The following DRC4 variants were observed in gnomAD, a reference collection of about 807,000 sequenced individuals.
DRC4 encodes the protein GAS-11.
chr16:90,038,741 T>A, the DRC4 span, among the ~76,000 whole-genome samples: 1 of 152,146 alleles, frequency 6.6e-6, no homozygotes, highest in South Asian at 2.1e-4. Flanking sequence ...GGAAAACATC[T>A]CATTTCGTGG....
At chr16:90,030,816 C>G in the DRC4 span, among the ~76,000 whole-genome samples, 1 of 152,104 alleles carries the variant, frequency 6.6e-6, no homozygotes, top group Non-Finnish European at 1.5e-5. Context: ...TGGGGTCTTG[C>G]TATGTTGCCC....
the DRC4 span, among the ~76,000 whole-genome samples, chr16:90,041,544 G>C: frequency 1.1e-4 from 17 of 152,170 alleles, no homozygotes; most frequent in African/African-American, 3.9e-4. Context: ...GGTGGCTCAC[G>C]CCTGTAATCC....
At chr16:90,023,297 C>T in the DRC4 span, among the ~76,000 whole-genome samples, 1 of 152,174 alleles carries the variant, frequency 6.6e-6, no homozygotes, top group Non-Finnish European at 1.5e-5. Context: ...CCACTGTTCC[C>T]TTGGAAAGCC....
At chr16:90,022,700 G>A in the DRC4 span, 2 of 1,424,900 alleles carry the variant, frequency 1.4e-6, no homozygotes, top group East Asian at 5.9e-5. Context: ...CGGAGTCGCC[G>A]CTGGGCCTGT....
At chr16:90,037,279 G>C in the DRC4 span, 1 of 1,613,766 alleles carries the variant, frequency 6.2e-7, no homozygotes, top group Non-Finnish European at 8.5e-7. Flanking sequence ...TGGAGAGGGA[G>C]ATGGCAGAGG....
the DRC4 span, chr16:90,037,145 GGA>G: frequency 7.3e-7 from 1 of 1,360,876 alleles, no homozygotes; most frequent in East Asian, 2.4e-5. Context: ...GTGATGGGCA[GGA>G]GAGCACCCAG....
At chr16:90,040,109 T>C in the DRC4 span, 1 of 620,906 alleles carries the variant, frequency 1.6e-6, no homozygotes, top group Non-Finnish European at 2.9e-6. Flanking sequence ...TGCCTTCCAC[T>C]GCGTGGATGG....
the DRC4 span, chr16:90,032,829 C>T: frequency 1.2e-6 from 2 of 1,613,956 alleles, no homozygotes; most frequent in Non-Finnish European, 1.7e-6. Context: ...GCACCGCATA[C>T]AGGAGAGTGT....
chr16:90,032,799 A>G, the DRC4 span: 2 of 1,614,012 alleles, frequency 1.2e-6, no homozygotes, highest in South Asian at 1.1e-5. Flanking sequence ...CACTGTAGTC[A>G]TGAAGCTGGC....
chr16:90,042,699 T>C, the DRC4 span, among the ~76,000 whole-genome samples: 1 of 152,280 alleles, frequency 6.6e-6, no homozygotes, highest in Non-Finnish European at 1.5e-5. Flanking sequence ...CGAGAGCATC[T>C]GGATTCTGTG....
chr16:90,027,580 C>G, the DRC4 span: 1 of 1,566,172 alleles, frequency 6.4e-7, no homozygotes, highest in Non-Finnish European at 8.8e-7. Flanking sequence ...CAAATCAGAG[C>G]CAGCCAAGAA....
the DRC4 span, chr16:90,036,457 C>T: frequency 3.4e-5 from 55 of 1,613,976 alleles, no homozygotes; most frequent in Non-Finnish European, 3.3e-5. Context: ...CTGAGCTCCA[C>T]GAAGTGGAGG....
At chr16:90,040,855 A>G in the DRC4 span, among the ~76,000 whole-genome samples, 1 of 152,050 alleles carries the variant, frequency 6.6e-6, no homozygotes, top group South Asian at 2.1e-4. Flanking sequence ...GTGTTTGCAC[A>G]TGGGGGAACG....
At chr16:90,021,007 G>A in the DRC4 span, 2 of 152,254 alleles carry the variant, frequency 1.3e-5, no homozygotes, top group Admixed American at 1.3e-4. Flanking sequence ...CTCAGGCCAA[G>A]GGAGTCTGGC....
chr16:90,022,535 C>T, the DRC4 span: 5 of 533,878 alleles, frequency 9.4e-6, no homozygotes, highest in South Asian at 3.3e-5. Flanking sequence ...CGTTCACAAC[C>T]GGGTTCCTTC....
chr16:90,044,470 C>G, the DRC4 span: 1 of 470,110 alleles, frequency 2.1e-6, no homozygotes, highest in African/African-American at 2.0e-5. Context: ...AGTCATGAGC[C>G]TCAGCCCCCT....
the DRC4 span, chr16:90,020,260 T>C: frequency 2.4e-6 from 1 of 424,400 alleles, no homozygotes; most frequent in Non-Finnish European, 4.2e-6. Flanking sequence ...GAGCACAGCT[T>C]GAGCTCAGGA....
the DRC4 span, chr16:90,028,015 C>G: frequency 2.6e-6 from 1 of 391,960 alleles, no homozygotes; most frequent in Non-Finnish European, 4.7e-6. Flanking sequence ...CTCTTTCAAT[C>G]TTACCCTTTT....
the DRC4 span, chr16:90,031,108 C>A: frequency 7.7e-7 from 1 of 1,306,268 alleles, no homozygotes; most frequent in Non-Finnish European, 1.0e-6. Context: ...GAAGAGAATT[C>A]TGCCACCTGC....
Sources: gnomAD v4.1 joint callset for allele counts (sites outside exome capture counted in the v4.1 genomes callset) on GRCh38, gnomAD v4.1.1 for gene constraint, MANE v1.5 for transcripts, NCBI Gene and HGNC (gene_info 2026-07-23, HGNC 2026-07-21) for gene names.